PRAMEF9: variants seen among roughly 807,000 people sequenced by gnomAD.
The protein encoded by PRAMEF9 is PRAME family member 9/15.
Under a neutral mutation model 10.9 loss-of-function variants are expected in PRAMEF9, and 1 was observed. The observed-to-expected ratio is 0.09, with a 90% CI of 0.03 to 0.44. The LOEUF is 0.44. PRAMEF9 is among the 20% of genes least tolerant of loss of function. The probability of loss-of-function intolerance (pLI) is 0.97; values close to 1 mark genes in which losing one functional copy is unlikely to be tolerated. For missense variants in PRAMEF9, 126 were observed against 379.8 expected, an observed-to-expected ratio of 0.33 and a Z score of 5.55; for synonymous variants, 40 against 148.3, an observed-to-expected ratio of 0.27 and a Z score of 5.31.
chr1:13,178,762 A>G lies in PRAMEF9; in HGVS notation c.1067A>G (p.Tyr356Cys). The change falls in exon 4 of 4, where the codon TAC (tyrosine) becomes TGC (cysteine). Residue 356 changes from tyrosine (Y) to cysteine (C), a missense_variant. By Grantham distance (194) the Tyr-to-Cys change is radical (BLOSUM62 -2). Coordinates refer to ENST00000415919, the MANE Select transcript of PRAMEF9 (RefSeq NM_001010890.3). The part of the protein sequence containing the change: ...LLEKVAATLE[Y>C]LDLDDCGIID... ...GAAAAAGTTGCAGCCACCCTTGAGT[A>G]CTTGGATTTAGATGACTGTGGCATC... 1 of 953,836 alleles carries G rather than the reference A, an allele frequency of 1.0e-6. No homozygotes were observed. The highest frequency in any genetic ancestry group is 1.6e-6 in the Non-Finnish European group (1 of 640,466). The allele number at this position is 953,836 out of a possible 1,614,324, so 59.1% of individuals were successfully genotyped here. A position where few individuals can be genotyped will look rare whatever the true frequency, so the allele number is the denominator to read the frequency against.
rs782301768 is a variant in PRAMEF9 at position 13,179,173 on chromosome 1, T to A, written c.*41T>A. The A allele has an allele frequency of 4.1e-6, 6 of 1,449,426 alleles. No homozygotes were observed. In the South Asian group the frequency reaches 6.9e-5, roughly 17 times the overall value. The allele number at this position is 1,449,426 out of a possible 1,614,324, so 89.8% of individuals were successfully genotyped here. A position where few individuals can be genotyped will look rare whatever the true frequency, so the allele number is the denominator to read the frequency against. On this transcript the variant is annotated 3_prime_UTR_variant, in exon 4 of 4. Transcript: ENST00000415919. Reference sequence around the variant, plus strand: ...GATGGGTATGTCAAACGCTTTCTTCTGGACACTTGGAAACTAAAACCTAGG... The same window carrying A: ...GATGGGTATGTCAAACGCTTTCTTCAGGACACTTGGAAACTAAAACCTAGG...
At chr1:13,172,862 T>A (rs1333077020) in intron 1 of PRAMEF9, 17 of 139,854 alleles carry the variant, frequency 1.2e-4, no homozygotes, top group African/African-American at 4.2e-4. Context: ...ACAAAAACCC[T>A]CCTCTACACA....
intron 1 of PRAMEF9, 143 bp from the exon 2 acceptor site, chr1:13,175,122 G>C: frequency 1.0e-6 from 1 of 966,104 alleles, no homozygotes; most frequent in South Asian, 1.6e-5. Flanking sequence ...TGGCTTAATG[G>C]CCACTGAGTA....
At chr1:13,178,375 G>T in intron 3 of PRAMEF9, 196 bp from the exon 4 acceptor site, 1 of 377,704 alleles carries the variant, frequency 2.6e-6, no homozygotes, top group Non-Finnish European at 4.7e-6. Context: ...GAGTTACTGG[G>T]CCGGCTCTAA....
rs782697852 is a variant in PRAMEF9 at position 13,179,025 on chromosome 1, G to A, written c.1330G>A (p.Val444Met). 5 of 1,541,792 alleles carry A rather than the reference G, an allele frequency of 3.2e-6. No homozygotes were observed. The highest frequency in any genetic ancestry group is 1.7e-5 in the Admixed American group (1 of 58,186). Residue 444 changes from valine to methionine, a missense_variant, in exon 4 of 4, where the codon GTG (valine) becomes ATG (methionine). Transcript: ENST00000415919. ...AATTAGGGCTGAGCTGATGAACAGA[G>A]TGAGGGACTTAAGGCACCCCAAGAG... ...AQIRAELMNR[V>M]RDLRHPKRIF...
In PRAMEF9 at chr1:13,172,143, G is replaced by A. The variant is rs1431340064; in HGVS notation, c.-406G>A. The A allele has an allele frequency of 6.9e-6, 1 of 144,458 alleles. No individual in the cohort carries two copies. The highest frequency in any genetic ancestry group is 1.6e-5 in the Non-Finnish European group (1 of 63,932). 8.9% of individuals were successfully genotyped at this position (144,458 alleles called of 1,614,324 possible). A position where few individuals can be genotyped will look rare whatever the true frequency, so the allele number is the denominator to read the frequency against. On this transcript the variant is annotated 5_prime_UTR_variant, in exon 1 of 4. Transcript: ENST00000415919. Reference sequence around the variant, plus strand: ...ACCTGCCTCTGCCTCCCACAGTGCTGGGATTACAGGTGTGAGCCACTTCGT... The same window carrying A: ...ACCTGCCTCTGCCTCCCACAGTGCTAGGATTACAGGTGTGAGCCACTTCGT...
rs1398467327 is a variant in PRAMEF9, at chr1:13,172,785, C to T, written c.-17+253C>T. The T allele has an allele frequency of 7.1e-5, 10 of 141,352 alleles. 1 individual carries two copies. The highest frequency in any genetic ancestry group is 1.3e-4 in the Non-Finnish European group (8 of 62,530). 8.8% of individuals were successfully genotyped at this position (141,352 alleles called of 1,614,324 possible). A position where few individuals can be genotyped will look rare whatever the true frequency, so the allele number is the denominator to read the frequency against. On this transcript the variant is annotated intron_variant, in intron 1 of 3. Transcript: ENST00000415919. ...CAGTGACTCATGCCTTTAACCCCAA[C>T]ACTTTGGGAGGCCAAAGTGGGAGGA...
rs782036377 is a variant in PRAMEF9, at chr1:13,179,035, T to C, written c.1340T>C (p.Leu447Ser). The part of the protein sequence containing the change: ...RAELMNRVRD[L>S]RHPKRIFFCI... ...GAGCTGATGAACAGAGTGAGGGACT[T>C]AAGGCACCCCAAGAGGATCTTTTTC... The change falls in exon 4 of 4, where the codon TTA (leucine) becomes TCA (serine). Residue 447 changes from leucine (L) to serine (S), a missense_variant. By Grantham distance (145) the Leu-to-Ser change is moderately radical. Transcript: ENST00000415919. The C allele has an allele frequency of 6.5e-7, 1 of 1,541,410 alleles. No homozygotes were observed. Among genetic ancestry groups the C allele is most frequent in the Non-Finnish European group, 8.9e-7 (1 of 1,122,844 alleles).
At position 13,172,304 on chromosome 1, in the gene PRAMEF9, C is replaced by T. The variant is rs1451428567; in HGVS notation, c.-245C>T. 8.3e-6 allele frequency: 1 copy of T among 121,164 alleles called. No individual in the cohort carries two copies. The highest frequency in any genetic ancestry group is 3.0e-4 in the East Asian group (1 of 3,334). The allele number at this position is 121,164 out of a possible 1,614,324, so 7.5% of individuals were successfully genotyped here. A position where few individuals can be genotyped will look rare whatever the true frequency, so the allele number is the denominator to read the frequency against. On this transcript the variant is annotated 5_prime_UTR_variant, in exon 1 of 4. Transcript: ENST00000415919. Reference sequence around the variant, plus strand: ...CCATTAATCTGGGGAGAGCCAAAAACCCAATCAGGATTACCTGGGTGGAGT... The same window carrying T: ...CCATTAATCTGGGGAGAGCCAAAAATCCAATCAGGATTACCTGGGTGGAGT...
At position 13,179,004 on chromosome 1, in the gene PRAMEF9, A is replaced by T. The variant is rs782064882; in HGVS notation, c.1309A>T (p.Arg437Trp). Residue 437 changes from arginine (R) to tryptophan (W), a missense_variant, in exon 4 of 4, where the codon AGG (arginine) becomes TGG (tryptophan). Physicochemically the swap from Arg to Trp is moderately radical, Grantham distance 101. Coordinates refer to ENST00000415919, the MANE Select transcript of PRAMEF9 (RefSeq NM_001010890.3). ...TLCWSRFAQI[R>W]AELMNRVRDL... ...CTGCTGGAGCAGATTTGCTCAAATT[A>T]GGGCTGAGCTGATGAACAGAGTGAG... is the stretch of plus-strand genomic sequence containing the variant. 2.2e-5 allele frequency: 34 copies of T among 1,541,430 alleles called. 8 individuals carry two copies. The highest frequency in any genetic ancestry group is 3.0e-5 in the Non-Finnish European group (34 of 1,123,032).
rs782422788 is a variant in PRAMEF9 at position 13,178,977 on chromosome 1, C to G, written c.1282C>G (p.Leu428Val). ...PRESYGADGT[L>V]CWSRFAQIRA... ...GGAGAGTTATGGTGCTGATGGTACTCTCTGCTGGAGCAGATTTGCTCAAAT... is the reference window on the plus strand; with the variant it reads ...GGAGAGTTATGGTGCTGATGGTACTGTCTGCTGGAGCAGATTTGCTCAAAT... Residue 428 changes from leucine (L) to valine (V), a missense_variant, in exon 4 of 4, where the codon CTC (leucine) becomes GTC (valine). Coordinates refer to ENST00000415919, the MANE Select transcript of PRAMEF9 (RefSeq NM_001010890.3). 1.6e-5 allele frequency: 24 copies of G among 1,540,296 alleles called. 3 individuals carry two copies. The Admixed American group carries it at 4.1e-4, about 27-fold the overall frequency.
At position 13,172,219 on chromosome 1, in the gene PRAMEF9, C is replaced by A. The variant is rs1638330800; in HGVS notation, c.-330C>A. 6.9e-6 allele frequency: 1 copy of A among 144,644 alleles called. No individual in the cohort carries two copies. Among genetic ancestry groups the A allele is most frequent in the Non-Finnish European group, 1.6e-5 (1 of 63,996 alleles). 9.0% of individuals were successfully genotyped at this position (144,644 alleles called of 1,614,324 possible). A position where few individuals can be genotyped will look rare whatever the true frequency, so the allele number is the denominator to read the frequency against. On this transcript the variant is annotated 5_prime_UTR_variant, in exon 1 of 4. The change creates a premature stop within an existing upstream ORF in the 5' untranslated region. Transcript: ENST00000415919. ...ACTTCTACCCTATCCCTAACACTGT[C>A]AATTTCTTGCTTCGTGAAGTGAATA...
Position 13,172,543 on chromosome 1 carries a change from A to G in PRAMEF9, c.-17+11A>G, listed in dbSNP as rs1227391111. ...CTACATCCAGATCTGGTAAGTCACTAATTTCTGTAAGGACACTCCCATCTG... is the reference window on the plus strand; with the variant it reads ...CTACATCCAGATCTGGTAAGTCACTGATTTCTGTAAGGACACTCCCATCTG... On this transcript the variant is annotated intron_variant, in intron 1 of 3. Transcript: ENST00000415919. 1 of 140,188 alleles carries G rather than the reference A, an allele frequency of 7.1e-6. No homozygotes were observed. Among genetic ancestry groups the G allele is most frequent in the South Asian group, 2.3e-4 (1 of 4,412 alleles). The allele number at this position is 140,188 out of a possible 1,614,324, so 8.7% of individuals were successfully genotyped here. A position where few individuals can be genotyped will look rare whatever the true frequency, so the allele number is the denominator to read the frequency against.
chr1:13,172,196 T>A lies in PRAMEF9; in HGVS notation c.-353T>A, dbSNP rs1434411900. ...GGCCTTGAATGAATGTATTCTTGACTTCTACCCTATCCCTAACACTGTCAA... is the reference window on the plus strand; with the variant it reads ...GGCCTTGAATGAATGTATTCTTGACATCTACCCTATCCCTAACACTGTCAA... On this transcript the variant is annotated 5_prime_UTR_variant, in exon 1 of 4. Coordinates refer to ENST00000415919, the MANE Select transcript of PRAMEF9 (RefSeq NM_001010890.3). The A allele has an allele frequency of 6.9e-6, 1 of 144,490 alleles. No homozygotes were observed. The highest frequency in any genetic ancestry group is 2.4e-5 in the African/African-American group (1 of 41,020). 9.0% of individuals were successfully genotyped at this position (144,490 alleles called of 1,614,324 possible).
chr1:13,172,742 T>C lies in PRAMEF9; in HGVS notation c.-17+210T>C, dbSNP rs1341807396. On this transcript the variant is annotated intron_variant, in intron 1 of 3. Coordinates refer to ENST00000415919, the MANE Select transcript of PRAMEF9 (RefSeq NM_001010890.3). ...GATTGTGCTTTGGTTGATGCCATTT[T>C]AAAATTCTTGAAGGGAGCAGTGACT... 10 of 139,306 alleles carry C rather than the reference T, an allele frequency of 7.2e-5. 1 individual carries two copies. The highest frequency in any genetic ancestry group is 2.3e-4 in the South Asian group (1 of 4,368). 8.6% of individuals were successfully genotyped at this position (139,306 alleles called of 1,614,324 possible). A position where few individuals can be genotyped will look rare whatever the true frequency, so the allele number is the denominator to read the frequency against.
At position 13,179,157 on chromosome 1, in the gene PRAMEF9, G is replaced by A. The variant is rs530655852; in HGVS notation, c.*25G>A. 4 of 1,490,922 alleles carry A rather than the reference G, an allele frequency of 2.7e-6. 1 individual carries two copies. The highest frequency in any genetic ancestry group is 3.7e-6 in the Non-Finnish European group (4 of 1,079,758). 92.4% of individuals were successfully genotyped at this position (1,490,922 alleles called of 1,614,324 possible). On this transcript the variant is annotated 3_prime_UTR_variant, in exon 4 of 4. Transcript: ENST00000415919. ...AATGCCTGCCTATTTGGATGGGTAT[G>A]TCAAACGCTTTCTTCTGGACACTTG...
rs1638321628 is a variant in PRAMEF9, at chr1:13,172,002, G to T, written c.-547G>T. 7.1e-6 allele frequency: 1 copy of T among 140,724 alleles called. No individual in the cohort carries two copies. Among genetic ancestry groups the T allele is most frequent in the South Asian group, 2.3e-4 (1 of 4,438 alleles). 8.7% of individuals were successfully genotyped at this position (140,724 alleles called of 1,614,324 possible). On this transcript the variant is annotated 5_prime_UTR_variant, in exon 1 of 4. Coordinates refer to ENST00000415919, the MANE Select transcript of PRAMEF9 (RefSeq NM_001010890.3). ...GGATCCTCCTGTCTCAGCCTCCCTA[G>T]TAGCCTGGACTATAGGCGCAGACCA... is the stretch of plus-strand genomic sequence containing the variant.
chr1:13,175,377 C>T lies in PRAMEF9; in HGVS notation c.97C>T (p.Leu33=). 6.8e-7 allele frequency: 1 copy of T among 1,475,756 alleles called. No homozygotes were observed. The highest frequency in any genetic ancestry group is 9.3e-7 in the Non-Finnish European group (1 of 1,075,654). 91.4% of individuals were successfully genotyped at this position (1,475,756 alleles called of 1,614,324 possible). ...CTTGGCCATGTCCACCCTGGAGGAG[C>T]TGCCCACAGAACTTTTCCCCCCACT... ...QALAMSTLEE[L]PTELFPPLFM... Residue 33 remains leucine, a synonymous_variant, in exon 2 of 4, where the codon CTG becomes TTG. Transcript: ENST00000415919.
Position 13,172,299 on chromosome 1 carries a change from A to G in PRAMEF9, c.-250A>G, listed in dbSNP as rs1331324214. 3.8e-5 allele frequency: 5 copies of G among 130,116 alleles called. 1 individual carries two copies. Among genetic ancestry groups the G allele is most frequent in the African/African-American group, 1.2e-4 (5 of 40,190 alleles). 8.1% of individuals were successfully genotyped at this position (130,116 alleles called of 1,614,324 possible). A position where few individuals can be genotyped will look rare whatever the true frequency, so the allele number is the denominator to read the frequency against. ...TCAATCCATTAATCTGGGGAGAGCCAAAAACCCAATCAGGATTACCTGGGT... is the reference window on the plus strand; with the variant it reads ...TCAATCCATTAATCTGGGGAGAGCCGAAAACCCAATCAGGATTACCTGGGT... On this transcript the variant is annotated 5_prime_UTR_variant, in exon 1 of 4. Coordinates refer to ENST00000415919, the MANE Select transcript of PRAMEF9 (RefSeq NM_001010890.3).
Sources: allele counts gnomAD v4.1 joint callset, GRCh38; gene constraint gnomAD v4.1.1; transcripts MANE v1.5; gene names NCBI Gene and HGNC (gene_info 2026-07-23, HGNC 2026-07-21).